Variants in KCNMA1 observed in about 807,000 individuals in gnomAD.
KCNMA1 encodes the protein potassium calcium-activated channel subfamily M alpha 1, also known as Calcium-activated potassium channel subunit alpha-1.
KCNMA1 carries 29 observed loss-of-function variants against 140.0 expected under a neutral mutation model. The ratio of observed to expected loss-of-function variants is 0.21; its 90% confidence interval spans 0.15 to 0.28. The LOEUF is 0.28. Ranked by LOEUF, KCNMA1 falls within the 10% of genes least tolerant of loss-of-function variation. The pLI, the probability that KCNMA1 is intolerant of heterozygous loss-of-function variation, is 1.00. For synonymous variants in KCNMA1, 612 were observed against 611.9 expected (o/e 1.00, Z 0.00); for missense variants, 880 against 1,602.2 (o/e 0.55, Z 7.70).
In KCNMA1 at chr10:77,404,404, T is replaced by C. The variant is rs568379469; in HGVS notation, c.379-381A>G. On this transcript the variant is annotated intron_variant, in intron 1 of 27. Transcript: ENST00000286628. ...AGCAATTCTCACGCCTCAGCCTCCC[T>C]AGTAGCTAGAATTACAGGCGCGCGG... 5.0e-3 allele frequency among the ~76,000 whole-genome samples: 764 copies of C among 152,116 alleles called. 4 individuals are homozygous for C. Among genetic ancestry groups the C allele is most frequent in the Middle Eastern group, 0.01 (3 of 294 alleles).
At chr10:77,565,915 C>G (rs1448644449) in intron 1 of KCNMA1, among the ~76,000 whole-genome samples, 8 of 152,098 alleles carry the variant, frequency 5.3e-5, no homozygotes, top group African/African-American at 1.9e-4. Context: ...AACGCTCTCA[C>G]CAGGGACACA....
chr10:77,514,789 G>A (rs2049777594), intron 1 of KCNMA1, among the ~76,000 whole-genome samples: 1 of 152,180 alleles, frequency 6.6e-6, no homozygotes, highest in South Asian at 2.1e-4. Flanking sequence ...TTGCACCTGT[G>A]GGCGCTCTGT....
At chr10:77,219,611 T>C (rs1178759909) in intron 3 of KCNMA1, among the ~76,000 whole-genome samples, 1 of 152,158 alleles carries the variant, frequency 6.6e-6, no homozygotes, top group Non-Finnish European at 1.5e-5. Context: ...TTTGTTGTTG[T>C]TGTTCGTTTT....
chr10:77,296,487 C>G (rs954969771), intron 2 of KCNMA1, among the ~76,000 whole-genome samples: 1 of 152,260 alleles, frequency 6.6e-6, no homozygotes, highest in South Asian at 2.1e-4. Context: ...CAACAGGGAA[C>G]TAATATGGAG....
intron 1 of KCNMA1, among the ~76,000 whole-genome samples, chr10:77,450,474 A>G (rs1486731085): frequency 6.6e-6 from 1 of 152,230 alleles, no homozygotes; most frequent in Non-Finnish European, 1.5e-5. Flanking sequence ...ATTTCATTAT[A>G]TAATAATAAA....
intron 23 of KCNMA1, among the ~76,000 whole-genome samples, chr10:76,941,557 G>A (rs1198667626): frequency 6.6e-6 from 1 of 152,154 alleles, no homozygotes; most frequent in African/African-American, 2.4e-5. Context: ...AAAAACAAGA[G>A]AGGAGCAGAC....
rs373313966 is a variant in KCNMA1, at chr10:77,361,948, G to A, written c.540+41914C>T. Reference sequence around the variant, plus strand: ...CTCAGGAACTGCCATTTCTGACCCAGCCCAGACAAATGTGGCCCAATTCTC... The same window carrying A: ...CTCAGGAACTGCCATTTCTGACCCAACCCAGACAAATGTGGCCCAATTCTC... On this transcript the variant is annotated intron_variant, in intron 2 of 27. Transcript: ENST00000286628. Among the ~76,000 whole-genome samples, 63 of 152,334 alleles carry A rather than the reference G, an allele frequency of 4.1e-4. No individual in the cohort carries two copies. The East Asian group carries it at 0.011, about 26-fold the overall frequency.
At chr10:77,454,451 G>C (rs1168591831) in intron 1 of KCNMA1, among the ~76,000 whole-genome samples, 1 of 152,202 alleles carries the variant, frequency 6.6e-6, no homozygotes. Context: ...TTCCCAAGCA[G>C]TGATACTCTC....
intron 25 of KCNMA1, among the ~76,000 whole-genome samples, chr10:76,898,577 T>A (rs997749583): frequency 2.0e-5 from 3 of 151,646 alleles, no homozygotes; most frequent in Non-Finnish European, 4.4e-5. Flanking sequence ...ATAAGCTGTA[T>A]AACCTACATT....
At position 77,133,566 on chromosome 10, in the gene KCNMA1, A is replaced by G. The variant is rs57823399; in HGVS notation, c.809-12518T>C. Among the ~76,000 whole-genome samples, 258 of 151,868 alleles carry G rather than the reference A, an allele frequency of 1.7e-3. 1 individual carries two copies. The highest frequency in any genetic ancestry group is 6.1e-3 in the African/African-American group (252 of 41,556). On this transcript the variant is annotated intron_variant, in intron 5 of 27. Transcript: ENST00000286628. ...ATATAAACATTATATTAAAAAGAAT[A>G]AAAAGTAATATCTCATATTGATAAA...
At chr10:77,260,913 GGA>G (rs1271579281) in intron 2 of KCNMA1, among the ~76,000 whole-genome samples, 1 of 152,110 alleles carries the variant, frequency 6.6e-6, no homozygotes, top group Non-Finnish European at 1.5e-5. Context: ...AAAGTGAGAT[GGA>G]GAGGCATAAA....
chr10:76,966,342 A>G (rs758986086), intron 20 of KCNMA1, among the ~76,000 whole-genome samples: 8 of 152,220 alleles, frequency 5.3e-5, no homozygotes, highest in Non-Finnish European at 1.0e-4. Flanking sequence ...TGTACGTGCA[A>G]CTATGTGGAG....
chr10:77,116,102 C>T (rs375668180), intron 6 of KCNMA1, among the ~76,000 whole-genome samples: 6 of 152,308 alleles, frequency 3.9e-5, no homozygotes, highest in African/African-American at 7.2e-5. Flanking sequence ...AAGCTACCAG[C>T]GGTTAGAATG....
intron 5 of KCNMA1, among the ~76,000 whole-genome samples, chr10:77,146,701 C>CAAAAA (rs5786266): frequency 4.7e-4 from 30 of 64,188 alleles, no homozygotes; most frequent in East Asian, 8.0e-4. Context: ...GACTTCATCT[C>CAAAAA]AAAAAAAAAA....
At chr10:77,000,898 A>ATATATATATG in intron 19 of KCNMA1, among the ~76,000 whole-genome samples, 1 of 127,650 alleles carries the variant, frequency 7.8e-6, no homozygotes, top group African/African-American at 2.9e-5. Context: ...ATATATATAT[A>ATATATATATG]TATCCATCTG....
intron 2 of KCNMA1, among the ~76,000 whole-genome samples, chr10:77,276,181 T>C (rs376710795): frequency 4.1e-4 from 62 of 152,324 alleles, no homozygotes; most frequent in African/African-American, 1.5e-3. Context: ...TTTCATGTAA[T>C]TTGATGATCA....
At chr10:76,892,826 C>A (rs901483707) in intron 25 of KCNMA1, among the ~76,000 whole-genome samples, 4 of 152,208 alleles carry the variant, frequency 2.6e-5, no homozygotes, top group Non-Finnish European at 4.4e-5. Context: ...TTTATATTCA[C>A]ATAATTCCAT....
chr10:77,604,465 G>A (rs1025039903), intron 1 of KCNMA1, among the ~76,000 whole-genome samples: 3 of 152,162 alleles, frequency 2.0e-5, no homozygotes, highest in Non-Finnish European at 4.4e-5. Context: ...AGTACTTTGG[G>A]AGGCTGAGGC....
At chr10:77,058,392 A>C (rs1026156607) in intron 14 of KCNMA1, among the ~76,000 whole-genome samples, 2 of 152,122 alleles carry the variant, frequency 1.3e-5, no homozygotes, top group African/African-American at 4.8e-5. Flanking sequence ...GAAATGAACA[A>C]CACCATTAGC....
Sources: allele counts gnomAD v4.1 joint callset (sites outside exome capture counted in the v4.1 genomes callset), GRCh38; gene constraint gnomAD v4.1.1; transcripts MANE v1.5; gene names NCBI Gene and HGNC (gene_info 2026-07-23, HGNC 2026-07-21).